Variants in UNC5C observed in about 807,000 individuals in gnomAD.
UNC5C encodes the protein netrin receptor UNC5C.
UNC5C carries 47 observed loss-of-function variants against 99.8 expected under a neutral mutation model. The ratio of observed to expected loss-of-function variants is 0.47; its 90% CI spans 0.37 to 0.60. The LOEUF is 0.60. UNC5C is among the 20% of genes least tolerant of loss of function. UNC5C has a pLI of 0.00. For synonymous variants in UNC5C, 487 were observed against 452.2 expected (o/e 1.08, Z -0.98); for missense variants, 1,062 against 1,165.9 (o/e 0.91, Z 1.30).
At chr4:95,302,813 G>A (rs1741925850) in intron 2 of UNC5C, among the ~76,000 whole-genome samples, 1 of 152,190 alleles carries the variant, frequency 6.6e-6, no homozygotes, top group Non-Finnish European at 1.5e-5. Flanking sequence ...ATCAGCACTT[G>A]TGAAAGTAAT....
At chr4:95,323,334 G>A (rs2149414113) in intron 2 of UNC5C, among the ~76,000 whole-genome samples, 1 of 152,340 alleles carries the variant, frequency 6.6e-6, no homozygotes, top group East Asian at 1.9e-4. Flanking sequence ...TTAGACTGAA[G>A]AGGGGAGAGA....
At chr4:95,338,149 T>A (rs1348389682) in intron 1 of UNC5C, among the ~76,000 whole-genome samples, 1 of 152,028 alleles carries the variant, frequency 6.6e-6, no homozygotes, top group East Asian at 1.9e-4. Context: ...AATCCTTGCC[T>A]TCTCCACATA....
At chr4:95,443,489 A>C (rs1312965606) in intron 1 of UNC5C, among the ~76,000 whole-genome samples, 1 of 152,226 alleles carries the variant, frequency 6.6e-6, no homozygotes, top group Non-Finnish European at 1.5e-5. Context: ...CTAAATGCAC[A>C]CTGATATTAT....
chr4:95,412,807 G>C (rs1253440126), intron 1 of UNC5C, among the ~76,000 whole-genome samples: 2 of 152,154 alleles, frequency 1.3e-5, no homozygotes, highest in Admixed American at 6.5e-5. Flanking sequence ...AGAAAGAATG[G>C]GAGAGCATAC....
chr4:95,173,689 G>T (rs1294535607), intron 14 of UNC5C, among the ~76,000 whole-genome samples: 1 of 151,532 alleles, frequency 6.6e-6, no homozygotes, highest in Non-Finnish European at 1.5e-5. Context: ...CAAGGATATT[G>T]GTCTAAAATT....
At chr4:95,482,018 TTAAAC>T (rs1466666143) in intron 1 of UNC5C, among the ~76,000 whole-genome samples, 1 of 152,078 alleles carries the variant, frequency 6.6e-6, no homozygotes, top group Non-Finnish European at 1.5e-5. Flanking sequence ...TGGGATCTAA[TTAAAC>T]TAAAGAGCTT....
At chr4:95,194,045 G>C (rs896655699) in intron 12 of UNC5C, among the ~76,000 whole-genome samples, 3 of 152,112 alleles carry the variant, frequency 2.0e-5, no homozygotes, top group Non-Finnish European at 2.9e-5. Flanking sequence ...AAGTTGCTTC[G>C]TTTCTAGGGC....
At chr4:95,244,308 T>C (rs970992027) in intron 6 of UNC5C, among the ~76,000 whole-genome samples, 3 of 152,198 alleles carry the variant, frequency 2.0e-5, no homozygotes, top group African/African-American at 7.2e-5. Context: ...TTATCTTCGA[T>C]TTACCTAGGG....
chr4:95,213,008 T>C (rs1242615156), intron 10 of UNC5C, among the ~76,000 whole-genome samples: 1 of 152,200 alleles, frequency 6.6e-6, no homozygotes, highest in African/African-American at 2.4e-5. Flanking sequence ...TTCTGTTCCC[T>C]CCACCGATGC....
intron 1 of UNC5C, among the ~76,000 whole-genome samples, chr4:95,503,590 A>T (rs1721834879): frequency 6.6e-6 from 1 of 152,154 alleles, no homozygotes; most frequent in Non-Finnish European, 1.5e-5. Context: ...TCTGGCTGCC[A>T]TCAGGACACA....
intron 1 of UNC5C, among the ~76,000 whole-genome samples, chr4:95,381,662 G>A (rs6532553): frequency 0.74 from 112,829 of 152,014 alleles, 42,804 homozygotes; most frequent in East Asian, 0.95. Context: ...TTGATAGTTT[G>A]TGTCTAAATT....
chr4:95,194,114 C>T (rs1737276667), intron 12 of UNC5C, among the ~76,000 whole-genome samples: 1 of 152,144 alleles, frequency 6.6e-6, no homozygotes, highest in African/African-American at 2.4e-5. Flanking sequence ...GCTGCCACTT[C>T]CAGCCTGCAC....
chr4:95,520,743 T>C (rs544546143), intron 1 of UNC5C, among the ~76,000 whole-genome samples: 136 of 151,614 alleles, frequency 9.0e-4, no homozygotes, highest in Non-Finnish European at 1.6e-3. Flanking sequence ...GAACTACAGG[T>C]GCCGGCCACC....
chr4:95,298,056 C>T (rs1741725226), intron 3 of UNC5C, among the ~76,000 whole-genome samples: 1 of 152,196 alleles, frequency 6.6e-6, no homozygotes, highest in African/African-American at 2.4e-5. Flanking sequence ...CGCCTGTAAT[C>T]CCAATATTTT....
At chr4:95,196,736 TATATTTATGTAATATATAATA>T in intron 12 of UNC5C, among the ~76,000 whole-genome samples, 1 of 79,344 alleles carries the variant, frequency 1.3e-5, no homozygotes, top group African/African-American at 5.5e-5. Context: ...AAATATATAT[TATATTTATGTAATATATAATA>T]TATATATTAT....
At chr4:95,260,236 G>A (rs1441551547) in intron 4 of UNC5C, among the ~76,000 whole-genome samples, 4 of 152,028 alleles carry the variant, frequency 2.6e-5, no homozygotes, top group Admixed American at 6.5e-5. Context: ...CATGCAAAAC[G>A]AAACAAAAAA....
chr4:95,301,335 A>G (rs942230707), intron 3 of UNC5C, among the ~76,000 whole-genome samples: 16 of 151,720 alleles, frequency 1.1e-4, no homozygotes, highest in Non-Finnish European at 2.4e-4. Context: ...AACTGGGACT[A>G]CAGGCGCCTG....
At chr4:95,475,441 T>C (rs1748113740) in intron 1 of UNC5C, among the ~76,000 whole-genome samples, 1 of 151,914 alleles carries the variant, frequency 6.6e-6, no homozygotes, top group Admixed American at 6.6e-5. Context: ...AATGATGGCG[T>C]ATATTAAAAA....
chr4:95,186,057 G>T (rs1174312930), intron 12 of UNC5C, among the ~76,000 whole-genome samples: 1 of 152,148 alleles, frequency 6.6e-6, no homozygotes, highest in Non-Finnish European at 1.5e-5. Flanking sequence ...TCCAACTGCA[G>T]CTGTAATTAT....
Sources: gnomAD v4.1 joint callset for allele counts (sites outside exome capture counted in the v4.1 genomes callset) on GRCh38, gnomAD v4.1.1 for gene constraint, MANE v1.5 for transcripts, NCBI Gene and HGNC (gene_info 2026-07-23, HGNC 2026-07-21) for gene names.